The following TCERG1L variants were observed in gnomAD, a reference collection of about 807,000 sequenced individuals.
TCERG1L encodes transcription elongation regulator 1-like protein.
A neutral mutation model predicts 56.3 loss-of-function variants in TCERG1L; 37 were observed. The ratio of observed to expected loss-of-function variants is 0.66; its 90% CI spans 0.51 to 0.87. TCERG1L has a LOEUF of 0.87. Ranked by LOEUF, TCERG1L falls within the 40% of genes least tolerant of loss-of-function variation. TCERG1L has a pLI of 0.00. For missense variants in TCERG1L, 799 were observed against 774.2 expected, an observed-to-expected ratio of 1.03 and a Z score of -0.38; for synonymous variants, 324 against 326.3, an observed-to-expected ratio of 0.99 and a Z score of 0.08.
At chr10:131,309,834 C>CAAAAAAAAAAAAAAAAAAAAAAAAAAA (rs58892586) in intron 1 of TCERG1L, among the ~76,000 whole-genome samples, 5 of 49,822 alleles carry the variant, frequency 1.0e-4, no homozygotes, top group African/African-American at 1.7e-4. Flanking sequence ...GATTCTATGG[C>CAAAAAAAAAAAAAAAAAAAAAAAAAAA]AAAAAAAAAA....
intron 6 of TCERG1L, among the ~76,000 whole-genome samples, chr10:131,153,526 A>AT (rs544995505): frequency 3.5e-4 from 53 of 152,120 alleles, no homozygotes; most frequent in Non-Finnish European, 7.2e-4. Context: ...TTTCTGAGGG[A>AT]TTTTCCCAGC....
chr10:131,295,519 G>A (rs898144214), intron 3 of TCERG1L, among the ~76,000 whole-genome samples: 9 of 152,172 alleles, frequency 5.9e-5, no homozygotes, highest in South Asian at 2.1e-4. Flanking sequence ...TAGGGACTCC[G>A]ATCATGGATT....
intron 4 of TCERG1L, among the ~76,000 whole-genome samples, chr10:131,194,148 G>A (rs999323710): frequency 1.3e-5 from 2 of 152,250 alleles, no homozygotes; most frequent in African/African-American, 2.4e-5. Context: ...GTGGGAATGC[G>A]TGTCTTCATA....
At chr10:131,231,723 G>T (rs770033597) in intron 4 of TCERG1L, among the ~76,000 whole-genome samples, 24 of 152,196 alleles carry the variant, frequency 1.6e-4, no homozygotes, top group Admixed American at 2.6e-4. Context: ...GGCACGTGGG[G>T]GGAAGTCAGT....
chr10:131,284,125 C>CAAAAA (rs10534180), intron 3 of TCERG1L, among the ~76,000 whole-genome samples: 1 of 116,362 alleles, frequency 8.6e-6, no homozygotes, highest in Non-Finnish European at 1.8e-5. Context: ...GACCACATCT[C>CAAAAA]AAAAAAAAAA....
intron 8 of TCERG1L, 69 bp downstream of exon 8, chr10:131,134,310 C>T: frequency 7.3e-7 from 1 of 1,363,322 alleles, no homozygotes; most frequent in Non-Finnish European, 1.0e-6. Flanking sequence ...CAAAATGATG[C>T]CTTTTCTTTC....
intron 4 of TCERG1L, among the ~76,000 whole-genome samples, chr10:131,170,387 G>C (rs1237785217): frequency 1.3e-5 from 2 of 152,130 alleles, no homozygotes; most frequent in African/African-American, 4.8e-5. Context: ...ATCAACAAGT[G>C]TAAGACCATG....
Position 131,260,961 on chromosome 10 carries a change from C to T in TCERG1L, c.671-517G>A, listed in dbSNP as rs1283354527. On this transcript the variant is annotated intron_variant, in intron 3 of 11. Transcript: ENST00000368642. This position sits in a 1 kb window ranked among gnomAD's most constrained non-coding sequence, Gnocchi z 5.8. ...TGCAGGGAGAGGGCGGAGAGGTTTC[C>T]AGAGGGCACCAGGCTCAGCCGGGCC... Among the ~76,000 whole-genome samples the T allele has an allele frequency of 6.6e-5, 10 of 151,986 alleles. No individual in the cohort carries two copies. Among genetic ancestry groups the T allele is most frequent in the Non-Finnish European group, 1.0e-4 (7 of 67,986 alleles).
chr10:131,200,886 C>T (rs560217245), intron 4 of TCERG1L, among the ~76,000 whole-genome samples: 1 of 152,272 alleles, frequency 6.6e-6, no homozygotes, highest in South Asian at 2.1e-4. Flanking sequence ...AAGGGATCCT[C>T]CCTGGCAAAG....
At chr10:131,302,554 G>A (rs183876874) in intron 3 of TCERG1L, among the ~76,000 whole-genome samples, 1 of 151,016 alleles carries the variant, frequency 6.6e-6, no homozygotes, top group Non-Finnish European at 1.5e-5. Flanking sequence ...ATTTGCATCT[G>A]TAAAGAATCT....
chr10:131,127,158 G>C (rs910333336), intron 8 of TCERG1L, among the ~76,000 whole-genome samples: 10 of 152,216 alleles, frequency 6.6e-5, no homozygotes, highest in African/African-American at 2.4e-4. Flanking sequence ...CACAAAGGCA[G>C]AGGGGAAGTG....
intron 8 of TCERG1L, among the ~76,000 whole-genome samples, chr10:131,121,427 A>G (rs926617888): frequency 2.0e-5 from 3 of 152,216 alleles, no homozygotes; most frequent in African/African-American, 4.8e-5. Context: ...CCGCAATTCT[A>G]TGATGCAAAT....
intron 3 of TCERG1L, among the ~76,000 whole-genome samples, chr10:131,279,395 A>T (rs1846428766): frequency 6.6e-6 from 1 of 152,154 alleles, no homozygotes; most frequent in South Asian, 2.1e-4. Context: ...GCTAACCTTC[A>T]TGACTGTTTA....
intron 4 of TCERG1L, among the ~76,000 whole-genome samples, chr10:131,209,064 A>C (rs1314277875): frequency 6.6e-6 from 1 of 151,828 alleles, no homozygotes; most frequent in Non-Finnish European, 1.5e-5. Flanking sequence ...TCTCAAAAAA[A>C]AAAAAAAAAA....
chr10:131,300,765 G>C (rs192597499), intron 3 of TCERG1L, among the ~76,000 whole-genome samples: 34 of 152,138 alleles, frequency 2.2e-4, no homozygotes, highest in Non-Finnish European at 3.8e-4. Flanking sequence ...TGGTTTGTGT[G>C]TCTTGTAACT....
intron 4 of TCERG1L, among the ~76,000 whole-genome samples, chr10:131,230,087 C>T (rs957497269): frequency 1.1e-4 from 16 of 152,232 alleles, no homozygotes; most frequent in Non-Finnish European, 4.4e-5. Context: ...ATGAGGATTT[C>T]AGCATGACAC....
intron 4 of TCERG1L, among the ~76,000 whole-genome samples, chr10:131,215,833 A>G (rs1845664070): frequency 6.6e-6 from 1 of 152,230 alleles, no homozygotes. Flanking sequence ...GAAGGGAAAC[A>G]AAACCATTTT....
At chr10:131,269,120 C>T (rs1378683815) in intron 3 of TCERG1L, among the ~76,000 whole-genome samples, 1 of 152,144 alleles carries the variant, frequency 6.6e-6, no homozygotes, top group Non-Finnish European at 1.5e-5. Flanking sequence ...GTGAAACATG[C>T]CACTCTTCTT....
At chr10:131,153,501 C>A (rs1845886052) in intron 6 of TCERG1L, among the ~76,000 whole-genome samples, 1 of 152,202 alleles carries the variant, frequency 6.6e-6, no homozygotes, top group South Asian at 2.1e-4. Flanking sequence ...TGGGTCTCAT[C>A]ATTTTCTCAT....
Sources: gnomAD v4.1 joint callset for allele counts (sites outside exome capture counted in the v4.1 genomes callset) on GRCh38, gnomAD v4.1.1 for gene constraint, Gnocchi (gnomAD v3.1) non-coding constraint, MANE v1.5 for transcripts, NCBI Gene and HGNC (gene_info 2026-07-23, HGNC 2026-07-21) for gene names.